SLC35F4: variants seen among roughly 807,000 people sequenced by gnomAD.
SLC35F4 encodes chromosome 14 open reading frame 36.
In SLC35F4, 24 loss-of-function variants were observed where a neutral mutation model predicts 44.2. The observed-to-expected ratio is 0.54, with a 90% CI of 0.39 to 0.76. SLC35F4 has a LOEUF of 0.76. Ranked by LOEUF, SLC35F4 falls within the 30% of genes least tolerant of loss-of-function variation. The probability of loss-of-function intolerance (pLI) is 0.00; values close to 1 mark genes in which losing one functional copy is unlikely to be tolerated. For missense variants in SLC35F4, 562 were observed against 586.1 expected (o/e 0.96, Z 0.42); for synonymous variants, 238 against 223.6 (o/e 1.06, Z -0.57).
chr14:57,668,803 G>C (rs1044861914), intron 1 of SLC35F4, among the ~76,000 whole-genome samples: 13 of 152,094 alleles, frequency 8.5e-5, no homozygotes, highest in African/African-American at 2.7e-4. Flanking sequence ...GGATTGACTT[G>C]GCGATGCGGG....
At chr14:57,753,730 C>T (rs1214100360) in intron 1 of SLC35F4, among the ~76,000 whole-genome samples, 1 of 152,160 alleles carries the variant, frequency 6.6e-6, no homozygotes, top group Non-Finnish European at 1.5e-5. Flanking sequence ...TTCTTCCAGG[C>T]TACCCAACCT....
intron 1 of SLC35F4, among the ~76,000 whole-genome samples, chr14:57,806,363 G>A (rs1394368202): frequency 6.6e-6 from 1 of 151,966 alleles, no homozygotes; most frequent in East Asian, 1.9e-4. Context: ...TAAAAATAAA[G>A]GTGCTATTTT....
At chr14:57,636,811 T>C (rs986267693) in intron 1 of SLC35F4, among the ~76,000 whole-genome samples, 2 of 152,140 alleles carry the variant, frequency 1.3e-5, no homozygotes, top group Admixed American at 6.6e-5. Context: ...ACTAGTTTTC[T>C]ATTTGCAAAA....
intron 4 of SLC35F4, among the ~76,000 whole-genome samples, chr14:57,579,868 T>C (rs895805846): frequency 1.3e-5 from 2 of 152,130 alleles, no homozygotes; most frequent in African/African-American, 2.4e-5. Flanking sequence ...TTAATATTCA[T>C]TTTGCACTGG....
intron 1 of SLC35F4, among the ~76,000 whole-genome samples, chr14:57,874,572 C>A (rs1301362985): frequency 6.6e-6 from 1 of 152,220 alleles, no homozygotes; most frequent in Non-Finnish European, 1.5e-5. Context: ...GAGGGCTAAA[C>A]AGATGGTTCA....
intron 1 of SLC35F4, among the ~76,000 whole-genome samples, chr14:57,804,687 T>C (rs8007440): frequency 0.082 from 12,441 of 152,156 alleles, 1,274 homozygotes; most frequent in East Asian, 0.33. Context: ...ATCCAGGCAA[T>C]AGCATTCAGG....
At chr14:57,804,346 C>T (rs961902298) in intron 1 of SLC35F4, among the ~76,000 whole-genome samples, 1 of 152,146 alleles carries the variant, frequency 6.6e-6, no homozygotes, top group Non-Finnish European at 1.5e-5. Flanking sequence ...ATGCTGGAGG[C>T]ATCACGCTAC....
intron 4 of SLC35F4, chr14:57,580,536 C>T: frequency 2.5e-6 from 1 of 392,312 alleles, no homozygotes; most frequent in Non-Finnish European, 4.9e-6. Flanking sequence ...GGCTTCCCAG[C>T]AATCTATTTT....
At chr14:57,689,159 C>T (rs1266637786) in intron 1 of SLC35F4, among the ~76,000 whole-genome samples, 2 of 152,128 alleles carry the variant, frequency 1.3e-5, no homozygotes, top group African/African-American at 4.8e-5. Flanking sequence ...AACTTCTCCT[C>T]ACTCGAAAAT....
chr14:57,939,192 G>T (rs374570128), intron 1 of SLC35F4, among the ~76,000 whole-genome samples: 10 of 152,172 alleles, frequency 6.6e-5, no homozygotes, highest in African/African-American at 1.7e-4. Context: ...GTTTGGTAAG[G>T]TTCCACAATA....
At chr14:57,917,037 T>G (rs1440667805) in intron 1 of SLC35F4, among the ~76,000 whole-genome samples, 1 of 151,590 alleles carries the variant, frequency 6.6e-6, no homozygotes, top group East Asian at 1.9e-4. Flanking sequence ...TTGTTTGTTT[T>G]GGGGGGTTTT....
intron 1 of SLC35F4, among the ~76,000 whole-genome samples, chr14:57,744,945 C>T (rs1176427086): frequency 6.6e-6 from 1 of 151,958 alleles, no homozygotes; most frequent in Non-Finnish European, 1.5e-5. Context: ...CACACATCTA[C>T]TAACCATCTG....
At chr14:57,967,014 A>C (rs1307696978) in intron 1 of SLC35F4, among the ~76,000 whole-genome samples, 5 of 152,166 alleles carry the variant, frequency 3.3e-5, no homozygotes, top group Admixed American at 3.3e-4. Flanking sequence ...CATCTCAAAA[A>C]AAAAAAGAAG....
intron 1 of SLC35F4, among the ~76,000 whole-genome samples, chr14:57,689,546 G>C (rs1283600118): frequency 2.0e-5 from 3 of 152,134 alleles, no homozygotes; most frequent in Admixed American, 6.6e-5. Context: ...TATAACAATA[G>C]AGGTGTTTTT....
At chr14:57,749,746 C>G (rs2076839708) in intron 1 of SLC35F4, among the ~76,000 whole-genome samples, 1 of 152,154 alleles carries the variant, frequency 6.6e-6, no homozygotes, top group East Asian at 1.9e-4. Flanking sequence ...CTATGCTGTT[C>G]TTTCACCAAG....
In SLC35F4 at chr14:57,754,396, C is replaced by T. The variant is rs368411257; in HGVS notation, c.103+111327G>A. Among the ~76,000 whole-genome samples the T allele has an allele frequency of 1.7e-3, 262 of 152,236 alleles. 3 individuals carry two copies. Among genetic ancestry groups the T allele is most frequent in the African/African-American group, 6.0e-3 (251 of 41,550 alleles). On this transcript the variant is annotated intron_variant, in intron 1 of 7. Coordinates refer to ENST00000556826, the MANE Select transcript of SLC35F4 (RefSeq NM_001306087.2). ...CTGGGATTACAGGCTTGAGCCACCA[C>T]GCCTGGAAAACCAATGTATTTTAAT...
chr14:57,594,132 GAC>G lies in SLC35F4; in HGVS notation c.104-10_104-9del. On this transcript the variant is annotated splice_polypyrimidine_tract_variant and intron_variant, in intron 1 of 7. Transcript: ENST00000556826. ...CTGATGATCTGGAGGTACCTGGAAA[GAC>G]AGAGTTCACGCCAGTTTGAGAACTG... 1 of 1,612,452 alleles carries G rather than the reference GAC, an allele frequency of 6.2e-7. No individual in the cohort carries two copies.
chr14:57,876,148 A>C (rs2141029777), intron 1 of SLC35F4, among the ~76,000 whole-genome samples: 1 of 152,330 alleles, frequency 6.6e-6, no homozygotes, highest in Non-Finnish European at 1.5e-5. Context: ...ACACCCACAC[A>C]TGCTGGGTCT....
chr14:57,581,519 A>G (rs926065391), intron 3 of SLC35F4, 86 bp from the exon 4 acceptor site: 22 of 1,225,154 alleles, frequency 1.8e-5, no homozygotes, highest in Non-Finnish European at 2.5e-5. Context: ...TTTTCAGGTA[A>G]GAGCACAAAC....
Sources: allele counts gnomAD v4.1 joint callset (sites outside exome capture counted in the v4.1 genomes callset), GRCh38; gene constraint gnomAD v4.1.1; transcripts MANE v1.5; gene names NCBI Gene and HGNC (gene_info 2026-07-23, HGNC 2026-07-21).